Variants in EMP2 observed in about 807,000 individuals in gnomAD.
EMP2 encodes the protein epithelial membrane protein 2.
EMP2 carries 19 observed loss-of-function variants against 13.7 expected under a neutral mutation model. That is an observed-to-expected ratio of 1.38 (90% CI 0.97 to 2.03). EMP2 has a LOEUF of 2.03. Among genes scored for constraint, EMP2 ranks in the 30% most tolerant of loss-of-function variants. The pLI, the probability that EMP2 is intolerant of heterozygous loss-of-function variation, is 0.00. For synonymous variants in EMP2, 97 were observed against 84.7 expected, an observed-to-expected ratio of 1.15 and a Z score of -0.80; for missense variants, 253 against 220.7, an observed-to-expected ratio of 1.15 and a Z score of -0.93.
rs1194300434 is a variant in EMP2 at position 10,530,827 on chromosome 16, C to A, written c.*2078G>T. The A allele has an allele frequency of 1.3e-5, 2 of 152,194 alleles. No homozygotes were observed. Among genetic ancestry groups the A allele is most frequent in the African/African-American group, 4.8e-5 (2 of 41,432 alleles). 9.4% of individuals were successfully genotyped at this position (152,194 alleles called of 1,614,324 possible). The stretch of plus-strand genomic sequence containing the variant: ...CCACAGACATGTTTTCTGGGTGTTA[C>A]ACAGACAGGTACTGCCCAATAACTG... On this transcript the variant is annotated 3_prime_UTR_variant, in exon 5 of 5. Coordinates refer to ENST00000359543, the MANE Select transcript of EMP2 (RefSeq NM_001424.6).
chr16:10,534,298 A>C (rs989914847), intron 4 of EMP2, among the ~76,000 whole-genome samples: 1 of 152,166 alleles, frequency 6.6e-6, no homozygotes, highest in Non-Finnish European at 1.5e-5. Flanking sequence ...AAGATGACAG[A>C]ATAGAAGGAT....
chr16:10,553,305 G>C (rs563252889), intron 1 of EMP2, among the ~76,000 whole-genome samples: 2 of 152,190 alleles, frequency 1.3e-5, no homozygotes, highest in African/African-American at 4.8e-5. Context: ...GATATTGATT[G>C]CGAGAACACT....
chr16:10,578,514 C>A (rs954901676), intron 1 of EMP2, among the ~76,000 whole-genome samples: 3 of 152,204 alleles, frequency 2.0e-5, no homozygotes, highest in Non-Finnish European at 2.9e-5. Context: ...AGACCCTAAT[C>A]TGGGGTGGTG....
chr16:10,552,337 A>C (rs2050794669), intron 1 of EMP2, among the ~76,000 whole-genome samples: 1 of 152,170 alleles, frequency 6.6e-6, no homozygotes, highest in South Asian at 2.1e-4. Flanking sequence ...AGAAAATAAT[A>C]ATTAAAAAGA....
chr16:10,579,848 T>C (rs2051013409), intron 1 of EMP2, among the ~76,000 whole-genome samples: 2 of 152,078 alleles, frequency 1.3e-5, no homozygotes, highest in South Asian at 2.1e-4. Flanking sequence ...GCCCCACATC[T>C]TCACCTAAAA....
rs751537809 is a variant in EMP2 at position 10,530,093 on chromosome 16, T to C, written c.*2812A>G. On this transcript the variant is annotated 3_prime_UTR_variant, in exon 5 of 5. Transcript: ENST00000359543. ...ACATTCTTGCCCACAATATGACTAG[T>C]GAGAGTATCTCATGGAGGCAGGAGG... The C allele has an allele frequency of 2.0e-5, 3 of 152,146 alleles. No individual in the cohort carries two copies. The highest frequency in any genetic ancestry group is 4.4e-5 in the Non-Finnish European group (3 of 68,058). 9.4% of individuals were successfully genotyped at this position (152,146 alleles called of 1,614,324 possible).
At chr16:10,571,225 C>G (rs2050944717) in intron 1 of EMP2, among the ~76,000 whole-genome samples, 1 of 136,838 alleles carries the variant, frequency 7.3e-6, no homozygotes, top group Non-Finnish European at 1.5e-5. Context: ...CCACTGCACT[C>G]CAGCCTGGTG....
chr16:10,563,028 G>A (rs183181487), intron 1 of EMP2, among the ~76,000 whole-genome samples: 42 of 152,228 alleles, frequency 2.8e-4, no homozygotes, highest in Admixed American at 1.4e-3. Context: ...TGTGGATTAC[G>A]TTGCTCGGGG....
chr16:10,535,528 G>A (rs898515435), intron 4 of EMP2, among the ~76,000 whole-genome samples: 2 of 152,060 alleles, frequency 1.3e-5, no homozygotes, highest in Admixed American at 1.3e-4. Context: ...AGACCAGCCT[G>A]CACAACATAG....
chr16:10,529,530 G>A lies in EMP2; in HGVS notation c.*3375C>T, dbSNP rs1447824106. 2 of 152,222 alleles carry A rather than the reference G, an allele frequency of 1.3e-5. No homozygotes were observed. Among genetic ancestry groups the A allele is most frequent in the East Asian group, 3.8e-4 (2 of 5,202 alleles). The allele number at this position is 152,222 out of a possible 1,614,324, so 9.4% of individuals were successfully genotyped here. A position where few individuals can be genotyped will look rare whatever the true frequency, so the allele number is the denominator to read the frequency against. On this transcript the variant is annotated 3_prime_UTR_variant, in exon 5 of 5. Coordinates refer to ENST00000359543, the MANE Select transcript of EMP2 (RefSeq NM_001424.6). The stretch of plus-strand genomic sequence containing the variant: ...ATCATTTCAGACCGCATTCAACACA[G>A]ATACTCATGTAGCCCCGACGTTTCT...
intron 4 of EMP2, among the ~76,000 whole-genome samples, chr16:10,536,258 T>C (rs1382618252): frequency 6.6e-6 from 1 of 152,182 alleles, no homozygotes; most frequent in African/African-American, 2.4e-5. Context: ...TATTCTACTC[T>C]ATTTATCTTA....
chr16:10,560,642 G>A (rs1386270318), intron 1 of EMP2, among the ~76,000 whole-genome samples: 3 of 152,214 alleles, frequency 2.0e-5, no homozygotes, highest in East Asian at 1.9e-4. Flanking sequence ...GTGTGTAAAC[G>A]GACGGATATG....
At chr16:10,540,178 C>T (rs763302298) in intron 3 of EMP2, among the ~76,000 whole-genome samples, 12 of 152,126 alleles carry the variant, frequency 7.9e-5, no homozygotes, top group African/African-American at 2.4e-4. Flanking sequence ...CACAAATTCA[C>T]GGAATGAGAG....
chr16:10,549,717 A>G (rs13337283), intron 1 of EMP2, among the ~76,000 whole-genome samples: 14,925 of 88,284 alleles, frequency 0.17, 2,518 homozygotes, highest in African/African-American at 0.47. Context: ...TAATGCACGC[A>G]CACACACACA....
intron 2 of EMP2, chr16:10,544,816 TAGAGGCTGCAGTGAGCCATGATCGC>T (rs2050727461): frequency 6.6e-6 from 1 of 152,196 alleles, no homozygotes; most frequent in Non-Finnish European, 1.5e-5. Context: ...GCCTGGGCAG[TAGAGGCTGCAGTGAGCCATGATCGC>T]AACACTACAC....
intron 3 of EMP2, among the ~76,000 whole-genome samples, chr16:10,538,930 C>T (rs1168255659): frequency 6.6e-6 from 1 of 152,116 alleles, no homozygotes; most frequent in East Asian, 1.9e-4. Context: ...ATCCTCCTGC[C>T]TCAGCCTCCT....
chr16:10,538,107 G>A (rs1167847848), intron 3 of EMP2, 33 bp from the exon 4 acceptor site: 2 of 1,608,012 alleles, frequency 1.2e-6, no homozygotes, highest in Admixed American at 3.3e-5. Flanking sequence ...CAGGACTGAG[G>A]ACCTTGGCCA....
rs769110170 is a variant in EMP2 at position 10,532,989 on chromosome 16, G to C, written c.420C>G (p.Gly140=). 4.3e-6 allele frequency: 7 copies of C among 1,612,016 alleles called. No homozygotes were observed. In the African/African-American group the frequency reaches 9.4e-5, roughly 22 times the overall value. The change falls in exon 5 of 5, where the codon GGC becomes GGG. Residue 140 remains glycine (G), a synonymous_variant. Transcript: ENST00000359543. ...FYPVTREGSY[G]YSYILAWVAF... is the part of the protein sequence containing the mutation. ...CCACCCACGCCAGGATGTAGGAGTA[G>C]CCGTAGCTGCCTTCTCTGGTCACGG...
At chr16:10,555,031 G>T (rs767232955) in intron 1 of EMP2, among the ~76,000 whole-genome samples, 2 of 152,110 alleles carry the variant, frequency 1.3e-5, no homozygotes, top group African/African-American at 4.8e-5. Context: ...TCATTGTCCA[G>T]TTCTAGAAAT....
Sources: allele counts gnomAD v4.1 joint callset (sites outside exome capture counted in the v4.1 genomes callset), GRCh38; gene constraint gnomAD v4.1.1; transcripts MANE v1.5; gene names NCBI Gene and HGNC (gene_info 2026-07-23, HGNC 2026-07-21).